RORA: variants seen among roughly 807,000 people sequenced by gnomAD.
RORA encodes the protein RAR related orphan receptor A.
Under a neutral mutation model 69.5 loss-of-function variants are expected in RORA, and 7 were observed. That is an observed-to-expected ratio of 0.10 (90% confidence interval 0.06 to 0.19). The LOEUF is 0.19. RORA is among the 10% of genes least tolerant of loss of function. RORA has a pLI of 1.00. For missense variants in RORA, 457 were observed against 663.0 expected, an observed-to-expected ratio of 0.69 and a Z score of 3.41; for synonymous variants, 261 against 240.8, an observed-to-expected ratio of 1.08 and a Z score of -0.78.
chr15:60,897,497 G>A lies in RORA; in HGVS notation c.167-218811C>T, dbSNP rs538849250. Among the ~76,000 whole-genome samples the A allele has an allele frequency of 3.9e-5, 6 of 152,302 alleles. No individual in the cohort carries two copies. In the East Asian group the frequency reaches 1.2e-3, roughly 29 times the overall value. On this transcript the variant is annotated intron_variant, in intron 1 of 10. Coordinates refer to ENST00000335670, the MANE Select transcript of RORA (RefSeq NM_134261.3). ...AGCATGAACCAATGACCTCAGTAAT[G>A]GTTCCAGAGACCAGGACTCCCTATT...
intron 1 of RORA, among the ~76,000 whole-genome samples, chr15:60,980,575 T>C (rs1475172288): frequency 6.6e-6 from 1 of 152,146 alleles, no homozygotes; most frequent in Non-Finnish European, 1.5e-5. Flanking sequence ...TCTATTCATG[T>C]ATTCTATTTT....
intron 2 of RORA, among the ~76,000 whole-genome samples, chr15:60,645,415 G>A (rs1403812311): frequency 9.5e-5 from 14 of 147,258 alleles, no homozygotes; most frequent in Admixed American, 7.7e-4. Flanking sequence ...GGTCTTGACA[G>A]ATAAATTTTT....
At chr15:60,747,404 T>A (rs2071664077) in intron 1 of RORA, among the ~76,000 whole-genome samples, 1 of 152,108 alleles carries the variant, frequency 6.6e-6, no homozygotes. Flanking sequence ...AAGGGTAGGG[T>A]TCGAGTGACT....
chr15:60,977,870 A>T (rs960787452), intron 1 of RORA, among the ~76,000 whole-genome samples: 4 of 152,220 alleles, frequency 2.6e-5, no homozygotes, highest in Admixed American at 6.5e-5. Flanking sequence ...GCTAATGGAC[A>T]TGTGGTTTGT....
chr15:60,867,246 T>A (rs886228301), intron 1 of RORA, among the ~76,000 whole-genome samples: 1 of 152,178 alleles, frequency 6.6e-6, no homozygotes, highest in Non-Finnish European at 1.5e-5. Flanking sequence ...AGTAAGTGAC[T>A]GAGCCTGAGG....
chr15:60,928,559 T>G (rs1892281750), intron 1 of RORA, among the ~76,000 whole-genome samples: 1 of 152,164 alleles, frequency 6.6e-6, no homozygotes, highest in Non-Finnish European at 1.5e-5. Flanking sequence ...GAGGTTAAAC[T>G]AATACAATGG....
At position 61,061,083 on chromosome 15, in the gene RORA, G is replaced by GTGGCTCGTGCC. The variant is rs2078177069; in HGVS notation, c.166+167959_166+167969dup. ...AAGGGCATTGCAAGGGCTGGGCGCG[G>GTGGCTCGTGCC]TGGCTCGTGCCTGTAATCCCAGCAC... On this transcript the variant is annotated intron_variant, in intron 1 of 10. Coordinates refer to ENST00000335670, the MANE Select transcript of RORA (RefSeq NM_134261.3). The surrounding 1 kb of genome is among the most constrained non-coding windows in gnomAD (Gnocchi z 4.4). Among the ~76,000 whole-genome samples the GTGGCTCGTGCC allele has an allele frequency of 6.6e-6, 1 of 152,194 alleles. No individual in the cohort carries two copies. The highest frequency in any genetic ancestry group is 1.5e-5 in the Non-Finnish European group (1 of 68,046).
intron 1 of RORA, among the ~76,000 whole-genome samples, chr15:60,704,609 G>T (rs999279600): frequency 6.6e-6 from 1 of 152,076 alleles, no homozygotes; most frequent in African/African-American, 2.4e-5. Context: ...AAATATAAAA[G>T]GAAATAAAAT....
chr15:61,192,459 C>T (rs547111528), intron 1 of RORA, among the ~76,000 whole-genome samples: 17 of 152,274 alleles, frequency 1.1e-4, no homozygotes, highest in African/African-American at 4.1e-4. Flanking sequence ...CATTCACCAA[C>T]AATGACATAC....
intron 3 of RORA, among the ~76,000 whole-genome samples, chr15:60,518,982 C>T (rs1470552418): frequency 2.0e-5 from 3 of 152,172 alleles, no homozygotes; most frequent in Non-Finnish European, 2.9e-5. Flanking sequence ...AAAGAGAGAC[C>T]ACATTCACAT....
intron 2 of RORA, among the ~76,000 whole-genome samples, chr15:60,649,473 G>T (rs1296818338): frequency 6.6e-6 from 1 of 152,188 alleles, no homozygotes; most frequent in Non-Finnish European, 1.5e-5. Flanking sequence ...ACTCTGCCAT[G>T]CATGTCAGCC....
At position 60,495,444 on chromosome 15, in the gene RORA, G is replaced by A. The variant is rs931067670; in HGVS notation, c.*2011C>T. 1 of 152,120 alleles carries A rather than the reference G, an allele frequency of 6.6e-6. No homozygotes were observed. Among genetic ancestry groups the A allele is most frequent in the Admixed American group, 6.5e-5 (1 of 15,272 alleles). The allele number at this position is 152,120 out of a possible 1,614,324, so 9.4% of individuals were successfully genotyped here. A position where few individuals can be genotyped will look rare whatever the true frequency, so the allele number is the denominator to read the frequency against. On this transcript the variant is annotated 3_prime_UTR_variant, in exon 11 of 11. Coordinates refer to ENST00000335670, the MANE Select transcript of RORA (RefSeq NM_134261.3). ...GGAAAAAAAGTTGGATGTTATTTAG[G>A]CTTCATACACACATCTGTGTGAATA...
chr15:61,017,914 C>T (rs1196721240), intron 1 of RORA, among the ~76,000 whole-genome samples: 6 of 152,074 alleles, frequency 3.9e-5, no homozygotes, highest in Non-Finnish European at 7.4e-5. Context: ...ACGGGGTGAG[C>T]GGAAGTTTAC....
At chr15:61,053,131 C>T (rs1184760119) in intron 1 of RORA, among the ~76,000 whole-genome samples, 1 of 152,200 alleles carries the variant, frequency 6.6e-6, no homozygotes, top group Non-Finnish European at 1.5e-5. Context: ...CAGACCTGAT[C>T]GGAGCTACTC....
At chr15:60,710,104 G>A (rs2071122985) in intron 1 of RORA, among the ~76,000 whole-genome samples, 1 of 152,208 alleles carries the variant, frequency 6.6e-6, no homozygotes, top group African/African-American at 2.4e-5. Flanking sequence ...CGATAGGAGA[G>A]AGACTGGATT....
At chr15:61,010,947 G>A (rs1402829301) in intron 1 of RORA, among the ~76,000 whole-genome samples, 1 of 152,112 alleles carries the variant, frequency 6.6e-6, no homozygotes, top group Non-Finnish European at 1.5e-5. Flanking sequence ...CATATATATT[G>A]ATTAAGCCAA....
At position 60,870,301 on chromosome 15, in the gene RORA, G is replaced by A. The variant is rs553976715; in HGVS notation, c.167-191615C>T. ...TGCACAAATTAATTATCCTATGAGG[G>A]GGAATTAGACACCTACTTACATGAC... On this transcript the variant is annotated intron_variant, in intron 1 of 10. Coordinates refer to ENST00000335670, the MANE Select transcript of RORA (RefSeq NM_134261.3). 2.0e-4 allele frequency among the ~76,000 whole-genome samples: 30 copies of A among 152,252 alleles called. 1 individual carries two copies. In the South Asian group the frequency reaches 4.1e-3, roughly 21 times the overall value.
intron 1 of RORA, among the ~76,000 whole-genome samples, chr15:61,191,228 G>A (rs12593777): frequency 0.82 from 124,152 of 152,078 alleles, 52,164 homozygotes; most frequent in Non-Finnish European, 0.93. Context: ...ATCATCATGC[G>A]GAATGGAAAC....
intron 2 of RORA, among the ~76,000 whole-genome samples, chr15:60,631,648 T>A (rs1424013137): frequency 6.6e-6 from 1 of 152,200 alleles, no homozygotes; most frequent in Non-Finnish European, 1.5e-5. Context: ...TGTAGAGCTT[T>A]TAACTTTGTA....
Sources: allele counts gnomAD v4.1 joint callset (sites outside exome capture counted in the v4.1 genomes callset), GRCh38; gene constraint gnomAD v4.1.1; non-coding constraint Gnocchi (gnomAD v3.1); transcripts MANE v1.5; gene names NCBI Gene and HGNC (gene_info 2026-07-23, HGNC 2026-07-21).